SMG5: variants seen among roughly 807,000 people sequenced by gnomAD.
SMG5 encodes nonsense-mediated mRNA decay factor SMG5.
Under a neutral mutation model 122.9 loss-of-function variants are expected in SMG5, and 53 were observed. That is an observed-to-expected ratio of 0.43 (90% CI 0.35 to 0.54). The LOEUF (loss-of-function observed/expected upper bound fraction) is 0.54, where lower values mean the gene tolerates loss of function less well. SMG5 is among the 20% of genes least tolerant of loss of function. The probability of loss-of-function intolerance (pLI) is 0.01; values close to 1 mark genes in which losing one functional copy is unlikely to be tolerated. For missense variants in SMG5, 1,153 were observed against 1,285.6 expected (o/e 0.90, Z 1.58); for synonymous variants, 477 against 490.2 (o/e 0.97, Z 0.35).
the SMG5 span, among the ~76,000 whole-genome samples, chr1:156,289,150 T>C: frequency 6.6e-6 from 1 of 152,228 alleles, no homozygotes; most frequent in African/African-American, 2.4e-5. Context: ...GAGGATTAAA[T>C]GAGTTAATTC....
chr1:156,261,513 G>T, intron 13 of SMG5, 105 bp from the exon 14 acceptor site: 1 of 844,626 alleles, frequency 1.2e-6, no homozygotes, highest in Non-Finnish European at 1.9e-6. Context: ...ATGTTCAGAG[G>T]CCTGTGGGGG....
At chr1:156,285,313 TGGCC>T (rs1558250631), upstream of SMG5, 12 of 1,575,478 alleles carry the variant, frequency 7.6e-6, no homozygotes, top group Non-Finnish European at 1.0e-5. Flanking sequence ...TGGTTCCCAA[TGGCC>T]GGCAGCCAGA....
chr1:156,288,177 GAAA>G, the SMG5 span, among the ~76,000 whole-genome samples: 1 of 139,384 alleles, frequency 7.2e-6, no homozygotes, highest in Admixed American at 7.5e-5. Flanking sequence ...TGGCCTGGGT[GAAA>G]GAGTGAGACT....
At position 156,282,813 on chromosome 1, in the gene SMG5, G is replaced by C. The variant is rs1392855886; in HGVS notation, c.-133C>G. 1 of 966,574 alleles carries C rather than the reference G, an allele frequency of 1.0e-6. No individual in the cohort carries two copies. The highest frequency in any genetic ancestry group is 3.0e-5 in the Admixed American group (1 of 33,122). The allele number at this position is 966,574 out of a possible 1,614,324, so 59.9% of individuals were successfully genotyped here. A position where few individuals can be genotyped will look rare whatever the true frequency, so the allele number is the denominator to read the frequency against. On this transcript the variant is annotated 5_prime_UTR_variant, in exon 1 of 22. Coordinates refer to ENST00000361813, the MANE Select transcript of SMG5 (RefSeq NM_015327.3). ...TGCTCGGCCGCCATCGCTGTGAGGC[G>C]GCTGCCCGCGACAGCTCCTCCTCCG...
At chr1:156,287,787 T>C (rs1022432261), upstream of SMG5, among the ~76,000 whole-genome samples, 4 of 151,942 alleles carry the variant, frequency 2.6e-5, no homozygotes, top group Admixed American at 6.5e-5. Context: ...CAGCTAACTT[T>C]TTGTATTTTT....
chr1:156,262,662 T>C (rs1478292330), intron 13 of SMG5, among the ~76,000 whole-genome samples: 1 of 152,020 alleles, frequency 6.6e-6, no homozygotes, highest in Non-Finnish European at 1.5e-5. Context: ...AGCATCTCCA[T>C]CTTTACCACA....
chr1:156,261,457 A>T lies in SMG5; in HGVS notation c.2032-49T>A, dbSNP rs368007861. On this transcript the variant is annotated intron_variant, in intron 13 of 21. Transcript: ENST00000361813. Reference sequence around the variant, plus strand: ...GGCCTTCAGCTAGAGACAGTGGTGGAGAACAGCAGTGAGCAAGGAAAGCAC... The same window carrying T: ...GGCCTTCAGCTAGAGACAGTGGTGGTGAACAGCAGTGAGCAAGGAAAGCAC... 3 of 1,510,252 alleles carry T rather than the reference A, an allele frequency of 2.0e-6. No individual in the cohort carries two copies. The African/African-American group carries it at 4.1e-5, about 21-fold the overall frequency. The allele number at this position is 1,510,252 out of a possible 1,614,324, so 93.6% of individuals were successfully genotyped here.
chr1:156,282,500 A>C (rs3806409), intron 1 of SMG5, 107 bp downstream of exon 1: 1 of 1,243,044 alleles, frequency 8.0e-7, no homozygotes, highest in South Asian at 1.3e-5. Context: ...CTCCTTCCTC[A>C]CCCGCACCTC....
intron 19 of SMG5, 79 bp from the exon 20 acceptor site, chr1:156,251,556 C>A (rs996015541): frequency 3.4e-6 from 5 of 1,452,520 alleles, no homozygotes; most frequent in South Asian, 3.4e-5. Flanking sequence ...TGTTGTGGCT[C>A]TGGGGGCCTG....
intron 20 of SMG5, 123 bp from the exon 21 acceptor site, chr1:156,251,119 T>C: frequency 7.5e-7 from 1 of 1,333,088 alleles, no homozygotes; most frequent in Non-Finnish European, 1.0e-6. Context: ...CAGTGGGCCC[T>C]GGAAGCTGGC....
At chr1:156,273,703 T>TG (rs1662544282) in intron 5 of SMG5, among the ~76,000 whole-genome samples, 2 of 150,420 alleles carry the variant, frequency 1.3e-5, no homozygotes, top group African/African-American at 4.9e-5. Flanking sequence ...AGCTCTTCTT[T>TG]TTTTGTTTTG....
In SMG5 at chr1:156,273,536, T is replaced by C. The variant is rs983463884; in HGVS notation, c.545-86A>G. ...CACATCTGGGAGTCCACTCTGAGAG[T>C]GGTAACAAGAGCCTGGAAGGAAGGT... On this transcript the variant is annotated intron_variant, in intron 5 of 21. Transcript: ENST00000361813. 1.3e-5 allele frequency: 17 copies of C among 1,287,084 alleles called. No individual in the cohort carries two copies. In the African/African-American group the frequency reaches 1.6e-4, roughly 12 times the overall value. 79.7% of individuals were successfully genotyped at this position (1,287,084 alleles called of 1,614,324 possible).
rs562102615 is a variant in SMG5 at position 156,266,148 on chromosome 1, G to C, written c.1488C>G (p.Gly496=). 6.2e-7 allele frequency: 1 copy of C among 1,614,188 alleles called. No individual in the cohort carries two copies. The highest frequency in any genetic ancestry group is 8.5e-7 in the Non-Finnish European group (1 of 1,180,036). ...SARASEGSDS[G]SDKSLEGGGT... is the part of the protein sequence containing the mutation. The stretch of plus-strand genomic sequence containing the variant: ...CCCCACCTTCAAGACTCTTGTCAGA[G>C]CCACTGTCTGAGCCCTCACTGGCCC... The change falls in exon 12 of 22, where the codon GGC becomes GGG. Residue 496 remains glycine (G), a synonymous_variant. Transcript: ENST00000361813.
chr1:156,254,667 C>T (rs1187401860), intron 16 of SMG5, among the ~76,000 whole-genome samples: 1 of 152,158 alleles, frequency 6.6e-6, no homozygotes, highest in Non-Finnish European at 1.5e-5. Context: ...TGGTCTCAAA[C>T]TCCTGAGGCT....
chr1:156,251,345 C>A (rs1661345914), intron 20 of SMG5, 58 bp downstream of exon 20: 6 of 1,584,026 alleles, frequency 3.8e-6, no homozygotes, highest in Non-Finnish European at 5.2e-6. Context: ...CCTAGGAATG[C>A]TCGTGGAGGA....
Position 156,260,530 on chromosome 1 carries a change from C to A in SMG5, c.2204G>T (p.Arg735Leu). The A allele has an allele frequency of 6.3e-7, 1 of 1,580,416 alleles. No individual in the cohort carries two copies. Among genetic ancestry groups the A allele is most frequent in the Admixed American group, 1.9e-5 (1 of 51,614 alleles). The change falls in exon 15 of 22, where the codon CGT (arginine) becomes CTT (leucine). Residue 735 changes from arginine (R) to leucine (L), a missense_variant. This residue lies in a region of SMG5 where 631 missense variants were observed against 650.6 expected (regional missense o/e 0.97). Transcript: ENST00000361813. Reference protein sequence around the residue: ...SLLLPEDMALRNLPPLRAAHR... With the variant: ...SLLLPEDMALLNLPPLRAAHR... ...GGCAGCTCGGAGCGGGGGCAGGTTA[C>A]GAAGAGCCATGTCCTCTGGGAGCAG... is the stretch of plus-strand genomic sequence containing the variant.
intron 15 of SMG5, 67 bp from the exon 16 acceptor site, chr1:156,259,230 A>C (rs921992982): frequency 3.5e-6 from 5 of 1,440,708 alleles, no homozygotes; most frequent in East Asian, 2.7e-5. Flanking sequence ...GCCCTCCAGG[A>C]CCCTCCACTC....
At chr1:156,285,830 G>A (rs866765469), upstream of SMG5, 3 of 1,613,614 alleles carry the variant, frequency 1.9e-6, no homozygotes, top group Non-Finnish European at 2.5e-6. Context: ...AAGGGCTGTG[G>A]CCTCCGTGGG....
chr1:156,267,962 G>A (rs2101539290), intron 9 of SMG5, among the ~76,000 whole-genome samples, 153 bp downstream of exon 9: 1 of 152,292 alleles, frequency 6.6e-6, no homozygotes, highest in African/African-American at 2.4e-5. Context: ...ACCCTTGGGA[G>A]AAACAGTGAG....
Sources: allele counts gnomAD v4.1 joint callset (sites outside exome capture counted in the v4.1 genomes callset), GRCh38; gene constraint gnomAD v4.1.1; regional missense constraint gnomAD v4.1.1; transcripts MANE v1.5; gene names NCBI Gene and HGNC (gene_info 2026-07-23, HGNC 2026-07-21).